Variants in CCNK observed in about 807,000 individuals in gnomAD.
The protein encoded by CCNK is cyclin-K.
Under a neutral mutation model 65.0 loss-of-function variants are expected in CCNK, and 9 were observed. The ratio of observed to expected loss-of-function variants is 0.14; its 90% confidence interval spans 0.08 to 0.24. CCNK has a LOEUF of 0.24. CCNK is among the 10% of genes least tolerant of loss of function. The pLI is 1.00. For synonymous variants in CCNK, 279 were observed against 270.8 expected (o/e 1.03, Z -0.30); for missense variants, 474 against 720.0 (o/e 0.66, Z 3.91).
At chr14:99,497,002 C>T (rs1896716402) in intron 4 of CCNK, among the ~76,000 whole-genome samples, 1 of 143,102 alleles carries the variant, frequency 7.0e-6, no homozygotes, top group African/African-American at 2.5e-5. Context: ...TCCCATATAC[C>T]CCCCACCCAA....
chr14:99,502,058 T>C (rs902553697), intron 6 of CCNK, 149 bp from the exon 7 acceptor site: 160 of 842,176 alleles, frequency 1.9e-4, no homozygotes, highest in Middle Eastern at 3.6e-4. Context: ...TTTAGAAGAG[T>C]AAAGACTTGA....
chr14:99,484,569 G>C (rs1303188920), intron 1 of CCNK, among the ~76,000 whole-genome samples: 1 of 152,232 alleles, frequency 6.6e-6, no homozygotes, highest in Non-Finnish European at 1.5e-5. Flanking sequence ...AAGGACCCTG[G>C]TAGAAGTTAA....
At chr14:99,490,906 G>A (rs1017224404) in intron 1 of CCNK, among the ~76,000 whole-genome samples, 3 of 149,148 alleles carry the variant, frequency 2.0e-5, no homozygotes, top group Non-Finnish European at 4.4e-5. Context: ...TCCAGCCTGG[G>A]CAACAGAGCA....
chr14:99,503,092 G>T, intron 8 of CCNK, 108 bp downstream of exon 8: 1 of 1,284,958 alleles, frequency 7.8e-7, no homozygotes, highest in South Asian at 1.2e-5. Flanking sequence ...GGAAGCAGGG[G>T]GTGTTCGCCG....
intron 9 of CCNK, chr14:99,506,307 C>T (rs1388041005): frequency 6.6e-6 from 1 of 152,266 alleles, no homozygotes. Context: ...GAAAAAGCCT[C>T]AGCATGCAAA....
chr14:99,492,673 A>T lies in CCNK; in HGVS notation c.-5A>T, dbSNP rs764296555. The T allele has an allele frequency of 1.8e-5, 28 of 1,598,566 alleles. No individual in the cohort carries two copies. The highest frequency in any genetic ancestry group is 4.1e-5 in the African/African-American group (3 of 73,698). On this transcript the variant is annotated 5_prime_UTR_variant, in exon 2 of 11. Coordinates refer to ENST00000389879, the MANE Select transcript of CCNK (RefSeq NM_001099402.2). ...CTTTTGGAAAGAACAAGCCTACTTC[A>T]ATAAATGAAGGAGAATAAAGAAAAT... is the stretch of plus-strand genomic sequence containing the variant.
chr14:99,494,114 G>C (rs1045323254), intron 3 of CCNK: 6 of 153,060 alleles, frequency 3.9e-5, no homozygotes, highest in African/African-American at 1.4e-4. Flanking sequence ...TTACATCTTG[G>C]AGAGAGCAGG....
intron 3 of CCNK, chr14:99,494,004 G>C (rs1201238762): frequency 6.4e-6 from 1 of 157,468 alleles, no homozygotes; most frequent in African/African-American, 2.4e-5. Context: ...GTAGCTTTCA[G>C]TCCAGGATAA....
chr14:99,509,574 C>T (rs1287163994), intron 10 of CCNK: 2 of 160,090 alleles, frequency 1.2e-5, no homozygotes, highest in East Asian at 1.9e-4. Context: ...TGCACACACT[C>T]CTCTCAAGGA....
intron 8 of CCNK, 66 bp downstream of exon 8, chr14:99,503,050 G>A (rs747848206): frequency 4.5e-6 from 7 of 1,545,810 alleles, no homozygotes. Flanking sequence ...CCTGAGCACT[G>A]TTCCCATTTC....
At chr14:99,482,956 A>C (rs1403448696) in intron 1 of CCNK, among the ~76,000 whole-genome samples, 1 of 152,202 alleles carries the variant, frequency 6.6e-6, no homozygotes, top group Admixed American at 6.5e-5. Flanking sequence ...ATTCAAGGTA[A>C]TTGAGGAGAT....
At chr14:99,491,217 A>G (rs1161929781) in intron 1 of CCNK, among the ~76,000 whole-genome samples, 1 of 152,170 alleles carries the variant, frequency 6.6e-6, no homozygotes, top group Non-Finnish European at 1.5e-5. Flanking sequence ...TAGTTGTGAC[A>G]TTTCATAGTT....
At chr14:99,492,420 A>G (rs1896615034) in intron 1 of CCNK, 2 of 389,850 alleles carry the variant, frequency 5.1e-6, no homozygotes, top group Non-Finnish European at 9.0e-6. Flanking sequence ...AACTACCATG[A>G]AATTTGAGAT....
chr14:99,492,383 G>A (rs1896614529), intron 1 of CCNK: 3 of 304,152 alleles, frequency 9.9e-6, no homozygotes, highest in Admixed American at 5.4e-5. Flanking sequence ...AATCTCAAGA[G>A]AGAGGGAGGA....
chr14:99,499,150 C>T (rs3918080), intron 4 of CCNK, among the ~76,000 whole-genome samples: 38,122 of 152,112 alleles, frequency 0.25, 5,565 homozygotes, highest in Non-Finnish European at 0.34. Flanking sequence ...AGCGATTCTC[C>T]TGCCTCAGCT....
Position 99,511,024 on chromosome 14 carries a change from T to C in CCNK, c.*242T>C. The C allele has an allele frequency of 8.5e-6, 3 of 353,234 alleles. No individual in the cohort carries two copies. The Admixed American group carries it at 1.4e-4, about 16-fold the overall frequency. 21.9% of individuals were successfully genotyped at this position (353,234 alleles called of 1,614,324 possible). On this transcript the variant is annotated 3_prime_UTR_variant, in exon 11 of 11. Transcript: ENST00000389879. The stretch of plus-strand genomic sequence containing the variant: ...TCTGACTGTGTACACTTGGTTCAGC[T>C]AATGTCTGAGAGTCCTGCACTGGGT...
In CCNK at chr14:99,492,782, C is replaced by G; in HGVS notation, c.105C>G (p.Pro35=). The G allele has an allele frequency of 1.9e-6, 3 of 1,613,518 alleles. No individual in the cohort carries two copies. Among genetic ancestry groups the G allele is most frequent in the Non-Finnish European group, 2.5e-6 (3 of 1,179,768 alleles). Residue 35 remains proline, a synonymous_variant, in exon 2 of 11, where the codon CCC becomes CCG. Coordinates refer to ENST00000389879, the MANE Select transcript of CCNK (RefSeq NM_001099402.2). ...ATAAGAAAGACTTGGCTCATACACC[C>G]TCACAACTTGAAGGACTTGATCCAG... ...YWDKKDLAHT[P]SQLEGLDPAT...
In CCNK at chr14:99,495,480, C is replaced by A. The variant is rs772265080; in HGVS notation, c.280-18C>A. ...GACCTTTGATAACAAAAATCAAGAACTTTTGTTTCCCTTTTAGGTGACAGG... is the reference window on the plus strand; with the variant it reads ...GACCTTTGATAACAAAAATCAAGAAATTTTGTTTCCCTTTTAGGTGACAGG... On this transcript the variant is annotated intron_variant, in intron 3 of 10. Transcript: ENST00000389879. 4.4e-6 allele frequency: 7 copies of A among 1,593,832 alleles called. No individual in the cohort carries two copies. In the East Asian group the frequency reaches 1.1e-4, roughly 26 times the overall value.
chr14:99,498,313 A>G (rs1896744508), intron 4 of CCNK, among the ~76,000 whole-genome samples: 2 of 152,110 alleles, frequency 1.3e-5, no homozygotes, highest in Non-Finnish European at 2.9e-5. Flanking sequence ...CACCATACCA[A>G]TTAGGTCTGA....
Sources: gnomAD v4.1 joint callset for allele counts (sites outside exome capture counted in the v4.1 genomes callset) on GRCh38, gnomAD v4.1.1 for gene constraint, MANE v1.5 for transcripts, NCBI Gene and HGNC (gene_info 2026-07-23, HGNC 2026-07-21) for gene names.